CDH23: variants seen among roughly 807,000 people sequenced by gnomAD.
CDH23 encodes cadherin related 23, also known as cadherin-23.
Under a neutral mutation model 317.1 loss-of-function variants are expected in CDH23, and 189 were observed. The observed-to-expected ratio is 0.60, with a 90% CI of 0.53 to 0.67. The LOEUF (loss-of-function observed/expected upper bound fraction) is 0.67. Ranked by LOEUF, CDH23 falls within the 30% of genes least tolerant of loss-of-function variation. CDH23 has a pLI of 0.00. For synonymous variants in CDH23, 1,839 were observed against 1,876.8 expected (o/e 0.98, Z 0.52); for missense variants, 4,401 against 4,592.4 (o/e 0.96, Z 1.20).
At chr10:71,736,083 A>G (rs1037175253) in intron 34 of CDH23, among the ~76,000 whole-genome samples, 2 of 152,238 alleles carry the variant, frequency 1.3e-5, no homozygotes, top group Admixed American at 6.5e-5. Context: ...AGGGATGGAA[A>G]GGAGGTCCCC....
intron 6 of CDH23, among the ~76,000 whole-genome samples, chr10:71,554,364 ATT>A (rs71480584): frequency 0.061 from 8,858 of 145,268 alleles, 486 homozygotes; most frequent in African/African-American, 0.15. Context: ...CACTGGACTA[ATT>A]TTTTTTTTTT....
intron 1 of CDH23, among the ~76,000 whole-genome samples, chr10:71,414,047 TTGTGTGTGTGTGTG>T (rs34017042): frequency 4.2e-5 from 6 of 142,994 alleles, no homozygotes; most frequent in African/African-American, 7.8e-5. Context: ...CTCCTGGGTT[TTGTGTGTGTGTGTG>T]TGTGTGTGTG....
At chr10:71,516,352 G>A (rs1406219326) in intron 6 of CDH23, among the ~76,000 whole-genome samples, 3 of 152,172 alleles carry the variant, frequency 2.0e-5, no homozygotes, top group African/African-American at 7.2e-5. Flanking sequence ...GAGGGTCCTT[G>A]CCTGAGCCTC....
intron 14 of CDH23, among the ~76,000 whole-genome samples, chr10:71,653,556 T>C (rs763687902): frequency 2.0e-5 from 3 of 152,248 alleles, no homozygotes; most frequent in African/African-American, 4.8e-5. Context: ...TGGTGCTCCC[T>C]GGGGCAAACC....
intron 3 of CDH23, among the ~76,000 whole-genome samples, chr10:71,504,614 C>T (rs1853531087): frequency 6.6e-6 from 1 of 152,284 alleles, no homozygotes; most frequent in South Asian, 2.1e-4. Flanking sequence ...AGGGGCTGGC[C>T]TAGCTGGATG....
intron 6 of CDH23, among the ~76,000 whole-genome samples, chr10:71,535,578 C>A (rs1855655502): frequency 6.6e-6 from 1 of 152,226 alleles, no homozygotes; most frequent in Non-Finnish European, 1.5e-5. Context: ...AGACAGACAC[C>A]CTCGCATGGG....
rs147929346 is a variant in CDH23 at position 71,654,174 on chromosome 10, G to A, written c.1449+7557G>A. On this transcript the variant is annotated intron_variant, in intron 14 of 69. Coordinates refer to ENST00000224721, the MANE Select transcript of CDH23 (RefSeq NM_022124.6). The stretch of plus-strand genomic sequence containing the variant: ...TTGCTGCCAGGTGTGCGACCTGTGC[G>A]GTGGTCTGGGGACATGGACTCGGAA... 3.2e-3 allele frequency among the ~76,000 whole-genome samples: 491 copies of A among 152,336 alleles called. 1 individual carries two copies. The highest frequency in any genetic ancestry group is 6.0e-3 in the South Asian group (29 of 4,832).
intron 9 of CDH23, among the ~76,000 whole-genome samples, chr10:71,598,736 C>T (rs1381107000): frequency 6.6e-6 from 1 of 152,256 alleles, no homozygotes; most frequent in Non-Finnish European, 1.5e-5. Flanking sequence ...GGAGCCTCCT[C>T]CCTGGTCGAA....
At chr10:71,461,329 G>A (rs1046257039) in intron 3 of CDH23, among the ~76,000 whole-genome samples, 21 of 152,238 alleles carry the variant, frequency 1.4e-4, no homozygotes, top group African/African-American at 5.1e-4. Context: ...ACTTGGCATG[G>A]GGTGTGGCAC....
At chr10:71,615,479 A>G (rs1276951329) in intron 9 of CDH23, 25 bp from the exon 10 acceptor site, 1 of 1,480,110 alleles carries the variant, frequency 6.8e-7, no homozygotes, top group East Asian at 2.7e-5. Flanking sequence ...GCCTGGTCAC[A>G]CCTGAATGCT....
intron 37 of CDH23, 75 bp from the exon 38 acceptor site, chr10:71,741,619 G>T: frequency 7.6e-7 from 1 of 1,323,012 alleles, no homozygotes; most frequent in Non-Finnish European, 1.1e-6. Context: ...GGAGCCTTCG[G>T]GCTACAGGAG....
At chr10:71,712,613 G>A in intron 27 of CDH23, 52 bp from the exon 28 acceptor site, 2 of 1,601,518 alleles carry the variant, frequency 1.2e-6, no homozygotes, top group Non-Finnish European at 1.7e-6. Context: ...CACAGGAAGT[G>A]TGCCCCTCTC....
chr10:71,672,308 TTTCC>T (rs796361659), intron 14 of CDH23, among the ~76,000 whole-genome samples: 13 of 151,896 alleles, frequency 8.6e-5, no homozygotes, highest in African/African-American at 2.9e-4. Flanking sequence ...GGGGAGGGGT[TTTCC>T]TTCAAGCACA....
rs1474721524 is a variant in CDH23 at position 71,811,759 on chromosome 10, T to C, written c.9319+6T>C. Reference sequence around the variant, plus strand: ...CATTGTGGCTGGCTCAGCTGGTAAGTGAGGGCCATAGTGGGGACACAGGTG... The same window carrying C: ...CATTGTGGCTGGCTCAGCTGGTAAGCGAGGGCCATAGTGGGGACACAGGTG... On this transcript the variant is annotated splice_donor_region_variant and intron_variant, in intron 65 of 69. Transcript: ENST00000224721. 1.3e-6 allele frequency: 2 copies of C among 1,569,972 alleles called. No homozygotes were observed. Among genetic ancestry groups the C allele is most frequent in the Non-Finnish European group, 1.7e-6 (2 of 1,158,050 alleles).
intron 28 of CDH23, among the ~76,000 whole-genome samples, chr10:71,723,416 C>G (rs1005613460): frequency 1.3e-5 from 2 of 152,136 alleles, no homozygotes; most frequent in African/African-American, 4.8e-5. Flanking sequence ...TCCCCCCCCA[C>G]ACACAAGCCC....
chr10:71,694,668 C>A (rs1286182156), intron 21 of CDH23, among the ~76,000 whole-genome samples: 2 of 152,080 alleles, frequency 1.3e-5, no homozygotes, highest in African/African-American at 4.8e-5. Context: ...CTTGTTCTCC[C>A]CCATCTAATG....
intron 38 of CDH23, among the ~76,000 whole-genome samples, chr10:71,759,325 A>T (rs1840235795): frequency 6.6e-6 from 1 of 151,620 alleles, no homozygotes; most frequent in Admixed American, 6.6e-5. Flanking sequence ...GGCGTGAGCC[A>T]CCGCACCTAA....
At chr10:71,519,806 C>G (rs1854559083) in intron 6 of CDH23, among the ~76,000 whole-genome samples, 1 of 148,746 alleles carries the variant, frequency 6.7e-6, no homozygotes. Context: ...TTTTTTGAGA[C>G]AGGGTCTCAC....
intron 23 of CDH23, 25 bp downstream of exon 23, chr10:71,702,236 G>A (rs573189716): frequency 3.3e-5 from 53 of 1,606,930 alleles, no homozygotes; most frequent in African/African-American, 2.9e-4. Context: ...CGCCCCTCAC[G>A]GCCCCCACAC....
Sources: gnomAD v4.1 joint callset for allele counts (sites outside exome capture counted in the v4.1 genomes callset) on GRCh38, gnomAD v4.1.1 for gene constraint, MANE v1.5 for transcripts, NCBI Gene and HGNC (gene_info 2026-07-23, HGNC 2026-07-21) for gene names.